Variants in MYO16 observed in about 807,000 individuals in gnomAD.
The protein encoded by MYO16 is unconventional myosin-XVI.
MYO16 carries 94 observed loss-of-function variants against 205.3 expected under a neutral mutation model. The ratio of observed to expected loss-of-function variants is 0.46; its 90% CI spans 0.39 to 0.54. The LOEUF (loss-of-function observed/expected upper bound fraction) is 0.54. Ranked by LOEUF, MYO16 falls within the 20% of genes least tolerant of loss-of-function variation. The probability of loss-of-function intolerance (pLI) is 0.00; values close to 1 mark genes in which losing one functional copy is unlikely to be tolerated. For missense variants in MYO16, 2,315 were observed against 2,387.5 expected (o/e 0.97, Z 0.63); for synonymous variants, 988 against 954.0 (o/e 1.04, Z -0.66).
the MYO16 span, among the ~76,000 whole-genome samples, chr13:108,533,725 A>G: frequency 1.3e-5 from 2 of 152,242 alleles, no homozygotes; most frequent in South Asian, 2.1e-4. Flanking sequence ...GTATTTAGTC[A>G]GGAAAAAATA....
At chr13:108,884,550 A>G (rs1298104230) in intron 13 of MYO16, among the ~76,000 whole-genome samples, 1 of 152,194 alleles carries the variant, frequency 6.6e-6, no homozygotes, top group Admixed American at 6.5e-5. Flanking sequence ...GCTTCTGCCC[A>G]TTCTAGGCTC....
chr13:108,636,876 A>G (rs770252918), intron 1 of MYO16, among the ~76,000 whole-genome samples: 20 of 152,344 alleles, frequency 1.3e-4, no homozygotes, highest in Non-Finnish European at 7.3e-5. Context: ...GGAATCTTAT[A>G]TTACTTTTAC....
In MYO16 at chr13:108,928,828, T is replaced by A. The variant is rs530988494; in HGVS notation, c.1925+18678T>A. On this transcript the variant is annotated intron_variant, in intron 16 of 34. Coordinates refer to ENST00000457511, the MANE Select transcript of MYO16 (RefSeq NM_001198950.3). Reference sequence around the variant, plus strand: ...CATACCAAAATCTGTACTTTTCATATCAAACTATATTTCAGACACGTGCAG... The same window carrying A: ...CATACCAAAATCTGTACTTTTCATAACAAACTATATTTCAGACACGTGCAG... Among the ~76,000 whole-genome samples, 5 of 152,328 alleles carry A rather than the reference T, an allele frequency of 3.3e-5. 1 individual carries two copies. The highest frequency in any genetic ancestry group is 1.2e-4 in the African/African-American group (5 of 41,574).
chr13:108,740,408 C>G (rs984248202), intron 4 of MYO16, among the ~76,000 whole-genome samples: 3 of 152,114 alleles, frequency 2.0e-5, no homozygotes, highest in African/African-American at 7.2e-5. Context: ...CACTCCAGAC[C>G]CTATTTGCCT....
chr13:108,528,610 C>T, the MYO16 span, among the ~76,000 whole-genome samples: 1 of 5,966 alleles, frequency 1.7e-4, no homozygotes, highest in Non-Finnish European at 3.4e-4. Flanking sequence ...CCTCTCCTCT[C>T]CTCCCCTCCC....
intron 12 of MYO16, among the ~76,000 whole-genome samples, chr13:108,866,443 TG>T (rs1354559687): frequency 8.5e-5 from 13 of 152,266 alleles, no homozygotes; most frequent in Non-Finnish European, 1.8e-4. Flanking sequence ...AATGTTTCTT[TG>T]CACTTAAAAT....
intron 16 of MYO16, 53 bp downstream of exon 16, chr13:108,910,203 C>T (rs1474841801): frequency 3.9e-6 from 6 of 1,537,830 alleles, no homozygotes; most frequent in South Asian, 1.2e-5. Flanking sequence ...ATTGTGATTG[C>T]AATTTGGTAG....
At chr13:108,571,134 A>G in the MYO16 span, among the ~76,000 whole-genome samples, 1 of 152,156 alleles carries the variant, frequency 6.6e-6, no homozygotes, top group Non-Finnish European at 1.5e-5. Context: ...TGCAGTTGCC[A>G]TTATTATTTT....
At chr13:109,198,250 A>G (rs12428197) in intron 34 of MYO16, among the ~76,000 whole-genome samples, 32,617 of 152,158 alleles carry the variant, frequency 0.21, 4,593 homozygotes, top group Non-Finnish European at 0.32. Context: ...CAATTACTTT[A>G]AAAAGATATC....
chr13:109,099,132 G>A (rs1195747535), intron 27 of MYO16, among the ~76,000 whole-genome samples: 2 of 152,100 alleles, frequency 1.3e-5, no homozygotes, highest in Non-Finnish European at 2.9e-5. Context: ...TTAGCAAAAC[G>A]TCTTGAACCA....
At chr13:108,875,490 G>A (rs75155419) in intron 12 of MYO16, among the ~76,000 whole-genome samples, 2,310 of 152,218 alleles carry the variant, frequency 0.015, 19 homozygotes, top group Non-Finnish European at 0.027. Flanking sequence ...GTGTTGCCAG[G>A]TGGTAGTAAT....
At chr13:108,644,362 GTCTATCTATCTATCTATCTA>G (rs68036528) in intron 1 of MYO16, among the ~76,000 whole-genome samples, 142 of 148,118 alleles carry the variant, frequency 9.6e-4, no homozygotes, top group Middle Eastern at 6.9e-3. Context: ...CTGTCTGTCT[GTCTATCTATCTATCTATCTA>G]TCTATCTATC....
In MYO16 at chr13:109,207,208, A is replaced by T. The variant is rs1473531667; in HGVS notation, c.*372A>T. The T allele has an allele frequency of 4.9e-6, 1 of 202,364 alleles. No homozygotes were observed. The highest frequency in any genetic ancestry group is 1.0e-5 in the Non-Finnish European group (1 of 98,826). The allele number at this position is 202,364 out of a possible 1,614,324, so 12.5% of individuals were successfully genotyped here. A position where few individuals can be genotyped will look rare whatever the true frequency, so the allele number is the denominator to read the frequency against. ...TACAGTTGTTTTTCTACGGTTCAAC[A>T]GTCTGTTTATTGTACTTCCAATGGT... is the stretch of plus-strand genomic sequence containing the variant. On this transcript the variant is annotated 3_prime_UTR_variant, in exon 35 of 35. Transcript: ENST00000457511.
chr13:109,108,192 A>G (rs559384814), intron 28 of MYO16, among the ~76,000 whole-genome samples: 1 of 148,228 alleles, frequency 6.7e-6, no homozygotes, highest in Admixed American at 6.8e-5. Context: ...ATGTGTGCAC[A>G]TGTGTGTGTT....
At chr13:108,604,111 T>G (rs1878864947) in intron 1 of MYO16, among the ~76,000 whole-genome samples, 1 of 152,052 alleles carries the variant, frequency 6.6e-6, no homozygotes, top group South Asian at 2.1e-4. Flanking sequence ...TCAGATCTTG[T>G]AAGAACTCAC....
At chr13:108,625,567 AT>A (rs76816975), upstream of MYO16, among the ~76,000 whole-genome samples, 15,702 of 152,176 alleles carry the variant, frequency 0.1, 1,103 homozygotes, top group East Asian at 0.32. Context: ...AATATTTGTG[AT>A]AGAGGAAATT....
At chr13:108,637,975 G>C (rs561367885) in intron 1 of MYO16, among the ~76,000 whole-genome samples, 5 of 152,156 alleles carry the variant, frequency 3.3e-5, no homozygotes, top group Non-Finnish European at 5.9e-5. Context: ...GACAGAGTAA[G>C]TAAGTAAAGA....
intron 1 of MYO16, among the ~76,000 whole-genome samples, chr13:108,621,042 A>G (rs1228887018): frequency 6.6e-6 from 1 of 152,134 alleles, no homozygotes; most frequent in African/African-American, 2.4e-5. Context: ...CATGTCATGA[A>G]GATACCACAC....
chr13:109,060,091 AT>A (rs531276938), intron 27 of MYO16, among the ~76,000 whole-genome samples: 38 of 152,284 alleles, frequency 2.5e-4, no homozygotes, highest in Admixed American at 2.2e-3. Context: ...TTCCTCAAGG[AT>A]CTAGAACCAG....
Sources: allele counts gnomAD v4.1 joint callset (sites outside exome capture counted in the v4.1 genomes callset), GRCh38; gene constraint gnomAD v4.1.1; transcripts MANE v1.5; gene names NCBI Gene and HGNC (gene_info 2026-07-23, HGNC 2026-07-21).